The following GRID1 variants were observed in gnomAD, a reference collection of about 807,000 sequenced individuals.
GRID1 encodes the protein glutamate receptor ionotropic, delta-1.
In GRID1, 28 loss-of-function variants were observed where a neutral mutation model predicts 98.0. The ratio of observed to expected loss-of-function variants is 0.29; its 90% CI spans 0.21 to 0.39. The LOEUF is 0.39. Ranked by LOEUF, GRID1 falls within the 10% of genes least tolerant of loss-of-function variation. GRID1 has a pLI of 1.00. For synonymous variants in GRID1, 553 were observed against 538.5 expected (o/e 1.03, Z -0.37); for missense variants, 1,111 against 1,340.5 (o/e 0.83, Z 2.67).
chr10:85,881,179 G>A (rs1413635650), intron 5 of GRID1, among the ~76,000 whole-genome samples: 52 of 152,176 alleles, frequency 3.4e-4, no homozygotes, highest in Admixed American at 6.5e-4. Flanking sequence ...AATCAATATC[G>A]TGAAAATGGC....
chr10:85,768,411 G>A (rs1842217679), intron 8 of GRID1, among the ~76,000 whole-genome samples: 1 of 14,666 alleles, frequency 6.8e-5, no homozygotes, highest in Non-Finnish European at 1.3e-4. Context: ...CCTTCCAAGT[G>A]GTAAAAAAAA....
chr10:85,797,592 C>T (rs112797703), intron 8 of GRID1, among the ~76,000 whole-genome samples: 39,487 of 150,722 alleles, frequency 0.26, 6,026 homozygotes, highest in African/African-American at 0.41. Context: ...ACCACACCCA[C>T]TGGGGGCTAA....
At chr10:86,223,430 A>T (rs1846290373) in intron 2 of GRID1, among the ~76,000 whole-genome samples, 1 of 152,210 alleles carries the variant, frequency 6.6e-6, no homozygotes, top group South Asian at 2.1e-4. Context: ...CCTGGCACGC[A>T]TGCAGGCACA....
At chr10:86,121,674 C>A (rs1844679923) in intron 4 of GRID1, among the ~76,000 whole-genome samples, 1 of 150,068 alleles carries the variant, frequency 6.7e-6, no homozygotes, top group Non-Finnish European at 1.5e-5. Context: ...ATACCAGGGA[C>A]ATTTACTGAG....
intron 2 of GRID1, among the ~76,000 whole-genome samples, chr10:86,261,011 C>G (rs1847008814): frequency 6.6e-6 from 1 of 152,262 alleles, no homozygotes; most frequent in African/African-American, 2.4e-5. Flanking sequence ...GAAGAAAAAG[C>G]TGGGTGTGGG....
At chr10:85,866,421 G>A (rs910435237) in intron 6 of GRID1, among the ~76,000 whole-genome samples, 1 of 149,946 alleles carries the variant, frequency 6.7e-6, no homozygotes. Context: ...GAAATGCTTA[G>A]GACAAGAAGT....
intron 12 of GRID1, among the ~76,000 whole-genome samples, chr10:85,671,828 G>A (rs1020348952): frequency 1.3e-5 from 2 of 152,200 alleles, no homozygotes; most frequent in Non-Finnish European, 2.9e-5. Context: ...GAAAGCAAAA[G>A]AGCCTTATTA....
intron 4 of GRID1, among the ~76,000 whole-genome samples, chr10:85,950,922 C>T (rs1469184133): frequency 6.6e-6 from 1 of 152,196 alleles, no homozygotes; most frequent in East Asian, 1.9e-4. Flanking sequence ...ACTGTACCAT[C>T]ATCTGACTTG....
intron 12 of GRID1, among the ~76,000 whole-genome samples, chr10:85,696,890 T>C (rs1003594141): frequency 1.3e-5 from 2 of 152,102 alleles, no homozygotes; most frequent in African/African-American, 4.8e-5. Flanking sequence ...AATACTTCAG[T>C]AATATTTTAG....
At position 85,903,965 on chromosome 10, in the gene GRID1, C is replaced by T. The variant is rs560539565; in HGVS notation, c.780+12221G>A. On this transcript the variant is annotated intron_variant, in intron 5 of 15. Coordinates refer to ENST00000327946, the MANE Select transcript of GRID1 (RefSeq NM_017551.3). Reference sequence around the variant, plus strand: ...ATCCATTCCTTCTCCCAACAGATTTCTCATGGGCACCCTATGTAAAGTAGA... The same window carrying T: ...ATCCATTCCTTCTCCCAACAGATTTTTCATGGGCACCCTATGTAAAGTAGA... Among the ~76,000 whole-genome samples, 8 of 152,350 alleles carry T rather than the reference C, an allele frequency of 5.3e-5. No homozygotes were observed. The South Asian group carries it at 1.7e-3, about 32-fold the overall frequency.
chr10:85,727,840 G>T lies in GRID1; in HGVS notation c.1533+15C>A, dbSNP rs763082439. 4.4e-6 allele frequency: 7 copies of T among 1,599,320 alleles called. No individual in the cohort carries two copies. In the Admixed American group the frequency reaches 1.2e-4, roughly 27 times the overall value. On this transcript the variant is annotated intron_variant, in intron 10 of 15. Transcript: ENST00000327946. ...CTAGGGTGCCCCTCCCCCTGGATCT[G>T]CTATGGGGACCTACCTTGCTGATGA...
At chr10:86,240,556 T>C (rs897653263) in intron 2 of GRID1, among the ~76,000 whole-genome samples, 23 of 149,040 alleles carry the variant, frequency 1.5e-4, no homozygotes, top group African/African-American at 5.0e-4. Context: ...GAGGGCAAGA[T>C]ATGTCCAGGG....
At chr10:85,766,872 C>A (rs762649000) in intron 8 of GRID1, among the ~76,000 whole-genome samples, 20 of 152,094 alleles carry the variant, frequency 1.3e-4, no homozygotes, top group Non-Finnish European at 2.8e-4. Flanking sequence ...TTTACATTCA[C>A]AATTTCATAT....
chr10:85,922,763 C>A (rs1841722827), intron 4 of GRID1, among the ~76,000 whole-genome samples: 1 of 152,146 alleles, frequency 6.6e-6, no homozygotes, highest in South Asian at 2.1e-4. Flanking sequence ...ATTTGAAGAG[C>A]CTGTTTAAAA....
In GRID1 at chr10:85,774,438, C is replaced by T. The variant is rs1408404760; in HGVS notation, c.1234-44824G>A. 2.6e-5 allele frequency among the ~76,000 whole-genome samples: 4 copies of T among 152,096 alleles called. No homozygotes were observed. In the East Asian group the frequency reaches 7.7e-4, roughly 29 times the overall value. On this transcript the variant is annotated intron_variant, in intron 8 of 15. Transcript: ENST00000327946. ...GGGCAAGAACTTCATGTCTAAAACA[C>T]CAAAAGCAATGGCAACAAAAGCCAA...
chr10:86,362,540 T>C (rs181079817), intron 2 of GRID1, among the ~76,000 whole-genome samples: 7 of 152,180 alleles, frequency 4.6e-5, no homozygotes, highest in Non-Finnish European at 8.8e-5. Flanking sequence ...AAGAAAACAC[T>C]TGGGACTCCC....
At chr10:85,734,263 TG>T in intron 8 of GRID1, among the ~76,000 whole-genome samples, 1 of 152,262 alleles carries the variant, frequency 6.6e-6, no homozygotes, top group Non-Finnish European at 1.5e-5. Flanking sequence ...AGATAGGAAG[TG>T]GCCACAGCTG....
chr10:85,723,062 G>A lies in GRID1; in HGVS notation c.1938C>T (p.Ser646=). ...SWWLFTLIVC[S]SYTANLAAFL... Reference sequence around the variant, plus strand: ...AGGCAGCAAGGTTGGCTGTGTAGGAGGAGCACACAATGAGCGTGAAGAGCC... The same window carrying A: ...AGGCAGCAAGGTTGGCTGTGTAGGAAGAGCACACAATGAGCGTGAAGAGCC... The change falls in exon 12 of 16, where the codon TCC becomes TCT. Residue 646 remains serine (S), a synonymous_variant. Coordinates refer to ENST00000327946, the MANE Select transcript of GRID1 (RefSeq NM_017551.3). 2 of 1,612,806 alleles carry A rather than the reference G, an allele frequency of 1.2e-6. No homozygotes were observed. Among genetic ancestry groups the A allele is most frequent in the South Asian group, 1.1e-5 (1 of 90,614 alleles).
At chr10:86,136,391 C>T (rs1844925208) in intron 4 of GRID1, among the ~76,000 whole-genome samples, 1 of 152,192 alleles carries the variant, frequency 6.6e-6, no homozygotes, top group South Asian at 2.1e-4. Context: ...GCCCTATTTC[C>T]CCACTCCAGC....
Sources: gnomAD v4.1 joint callset for allele counts (sites outside exome capture counted in the v4.1 genomes callset) on GRCh38, gnomAD v4.1.1 for gene constraint, MANE v1.5 for transcripts, NCBI Gene and HGNC (gene_info 2026-07-23, HGNC 2026-07-21) for gene names.